Variants in AFAP1L2 observed in about 807,000 individuals in gnomAD.
The protein encoded by AFAP1L2 is actin filament-associated protein 1-like 2.
AFAP1L2 carries 46 observed loss-of-function variants against 99.3 expected under a neutral mutation model. The observed-to-expected ratio is 0.46, with a 90% confidence interval of 0.37 to 0.59. AFAP1L2 has a LOEUF of 0.59. Among genes scored for constraint, AFAP1L2 ranks in the 20% least tolerant of loss-of-function variants. The pLI is 0.00. For synonymous variants in AFAP1L2, 397 were observed against 419.1 expected, an observed-to-expected ratio of 0.95 and a Z score of 0.64; for missense variants, 959 against 1,034.9, an observed-to-expected ratio of 0.93 and a Z score of 1.01.
At chr10:114,297,698 T>C (rs2040477211) in intron 16 of AFAP1L2, among the ~76,000 whole-genome samples, 1 of 152,224 alleles carries the variant, frequency 6.6e-6, no homozygotes, top group African/African-American at 2.4e-5. Context: ...CAGAGACTCT[T>C]GGTTGCTTTG....
chr10:114,299,808 C>A (rs1192691108), intron 15 of AFAP1L2, among the ~76,000 whole-genome samples: 4 of 152,242 alleles, frequency 2.6e-5, no homozygotes, highest in Non-Finnish European at 5.9e-5. Context: ...AAGGACTTGA[C>A]TTGCTGAGTC....
chr10:114,339,233 C>G (rs1291478384), intron 2 of AFAP1L2, among the ~76,000 whole-genome samples: 2 of 151,478 alleles, frequency 1.3e-5, no homozygotes, highest in Non-Finnish European at 2.9e-5. Flanking sequence ...CCGAGGCGGG[C>G]GGATCACGAG....
intron 1 of AFAP1L2, among the ~76,000 whole-genome samples, chr10:114,361,057 C>T (rs2052331296): frequency 1.3e-5 from 2 of 152,140 alleles, no homozygotes; most frequent in African/African-American, 4.8e-5. Context: ...GTGTGTCTCA[C>T]ATATCGGCAG....
chr10:114,314,968 C>T (rs573238850), intron 6 of AFAP1L2, among the ~76,000 whole-genome samples: 2 of 152,216 alleles, frequency 1.3e-5, no homozygotes, highest in South Asian at 2.1e-4. Flanking sequence ...TGGTGAAACC[C>T]CGTCTCTACT....
the AFAP1L2 span, chr10:114,285,801 C>T: frequency 1.1e-6 from 1 of 910,536 alleles, no homozygotes; most frequent in South Asian, 1.8e-5. Context: ...CTGTGACGAG[C>T]ACGGGTCACT....
intron 1 of AFAP1L2, among the ~76,000 whole-genome samples, chr10:114,356,230 A>C (rs1423375428): frequency 6.6e-6 from 1 of 152,214 alleles, no homozygotes; most frequent in Non-Finnish European, 1.5e-5. Flanking sequence ...TCAGGAATAA[A>C]GTACATTAAT....
chr10:114,327,477 A>G (rs2046551672), intron 4 of AFAP1L2, among the ~76,000 whole-genome samples: 1 of 152,050 alleles, frequency 6.6e-6, no homozygotes, highest in Non-Finnish European at 1.5e-5. Flanking sequence ...ATTTAACATC[A>G]AAACCTGAAA....
At chr10:114,340,498 A>C (rs1346150211) in intron 2 of AFAP1L2, 105 bp downstream of exon 2, 3 of 1,432,872 alleles carry the variant, frequency 2.1e-6, no homozygotes, top group Non-Finnish European at 2.8e-6. Flanking sequence ...AATAAGTGTC[A>C]TTTATAGCAC....
rs3750821 is a variant in AFAP1L2 at position 114,295,658 on chromosome 10, C to T, written c.*384G>A. On this transcript the variant is annotated 3_prime_UTR_variant, in exon 19 of 19. Coordinates refer to ENST00000304129, the MANE Select transcript of AFAP1L2 (RefSeq NM_001001936.3). ...TAGGTCTTCTCACTCACCAAAGACACGTGACCCATAAGACAGGGCCCTGCT... is the reference window on the plus strand; with the variant it reads ...TAGGTCTTCTCACTCACCAAAGACATGTGACCCATAAGACAGGGCCCTGCT... 804,842 of 1,015,022 alleles carry T rather than the reference C, an allele frequency of 0.79. 328,556 individuals carry two copies. Among genetic ancestry groups the T allele is most frequent in the Non-Finnish European group, 0.83 (707,868 of 848,904 alleles). 62.9% of individuals were successfully genotyped at this position (1,015,022 alleles called of 1,614,324 possible). A position where few individuals can be genotyped will look rare whatever the true frequency, so the allele number is the denominator to read the frequency against.
intron 1 of AFAP1L2, among the ~76,000 whole-genome samples, chr10:114,388,506 A>T (rs2056785512): frequency 6.6e-6 from 1 of 151,750 alleles, no homozygotes; most frequent in Non-Finnish European, 1.5e-5. Context: ...TTGACTCATT[A>T]CTCTCTGAAA....
intron 1 of AFAP1L2, among the ~76,000 whole-genome samples, chr10:114,403,991 G>A (rs2058479028): frequency 6.6e-6 from 1 of 152,228 alleles, no homozygotes; most frequent in Admixed American, 6.5e-5. Flanking sequence ...TTTGCCGGGA[G>A]CAGGAAGCCC....
At chr10:114,284,980 C>T in the AFAP1L2 span, 1 of 1,580,412 alleles carries the variant, frequency 6.3e-7, no homozygotes, top group South Asian at 1.2e-5. Flanking sequence ...GGTAGGTATG[C>T]ACCGGCCCTG....
intron 10 of AFAP1L2, among the ~76,000 whole-genome samples, chr10:114,306,059 A>G (rs2042301894): frequency 1.2e-5 from 1 of 85,092 alleles, no homozygotes. Flanking sequence ...AAGGGGGCGC[A>G]GATGCANGAA....
intron 4 of AFAP1L2, among the ~76,000 whole-genome samples, chr10:114,325,465 G>A (rs1239448933): frequency 1.3e-5 from 2 of 152,228 alleles, no homozygotes; most frequent in Non-Finnish European, 2.9e-5. Flanking sequence ...ATCTGGTCCT[G>A]TACCAACAGA....
At chr10:114,291,186 C>T, downstream of AFAP1L2, 1 of 1,550,388 alleles carries the variant, frequency 6.4e-7, no homozygotes, top group East Asian at 2.4e-5. Context: ...GATGCAGACA[C>T]TCCTGTCCTC....
In AFAP1L2 at chr10:114,314,022, G is replaced by A. The variant is rs2043699701; in HGVS notation, c.641C>T (p.Pro214Leu). The change falls in exon 7 of 19, where the codon CCT becomes CTT. Residue 214 changes from proline to leucine, a missense_variant. By Grantham distance (98) the Pro-to-Leu change is moderately conservative. This residue lies in a region of AFAP1L2 where 383 missense variants were observed against 472.8 expected (regional missense o/e 0.81). Transcript: ENST00000304129. ...GCCCAGTAGGTTCACGTCCAGCTGA[G>A]GGCTGTGGTCCTTGGAGGATTTGTA... is the stretch of plus-strand genomic sequence containing the variant. ...LCYKSSKDHS[P>L]QLDVNLLGSS... The A allele has an allele frequency of 1.2e-6, 2 of 1,613,308 alleles. No individual in the cohort carries two copies. The highest frequency in any genetic ancestry group is 8.5e-7 in the Non-Finnish European group (1 of 1,179,492).
intron 13 of AFAP1L2, among the ~76,000 whole-genome samples, chr10:114,301,083 C>T (rs760935324): frequency 5.9e-5 from 9 of 152,206 alleles, no homozygotes; most frequent in Non-Finnish European, 1.2e-4. Context: ...GGTACCTCCA[C>T]TCCCAATCCC....
chr10:114,296,103 C>A (rs751730313), intron 18 of AFAP1L2, 35 bp from the exon 19 acceptor site: 4 of 1,613,602 alleles, frequency 2.5e-6, no homozygotes, highest in Admixed American at 3.3e-5. Context: ...ACCCACCCCC[C>A]ACCAAAAAGA....
At chr10:114,345,770 A>T (rs2049460562) in intron 1 of AFAP1L2, among the ~76,000 whole-genome samples, 1 of 152,120 alleles carries the variant, frequency 6.6e-6, no homozygotes, top group Non-Finnish European at 1.5e-5. Flanking sequence ...AGTCCTTCAT[A>T]CTCCACAAGG....
Sources: gnomAD v4.1 joint callset for allele counts (sites outside exome capture counted in the v4.1 genomes callset) on GRCh38, gnomAD v4.1.1 for gene constraint, gnomAD v4.1.1 regional missense constraint, MANE v1.5 for transcripts, NCBI Gene and HGNC (gene_info 2026-07-23, HGNC 2026-07-21) for gene names.